Variants in RAB28 observed in about 807,000 individuals in gnomAD.
The protein encoded by RAB28 is ras-related protein Rab-28.
Under a neutral mutation model 31.7 loss-of-function variants are expected in RAB28, and 24 were observed. The observed-to-expected ratio is 0.76, with a 90% CI of 0.55 to 1.06. RAB28 has a LOEUF of 1.06. Among genes scored for constraint, RAB28 ranks in the 50% least tolerant of loss-of-function variants. RAB28 has a pLI of 0.00. For missense variants in RAB28, 254 were observed against 258.5 expected (o/e 0.98, Z 0.12); for synonymous variants, 100 against 90.4 (o/e 1.11, Z -0.60).
chr4:13,404,993 T>C (rs1711992584), intron 4 of RAB28, among the ~76,000 whole-genome samples: 1 of 151,566 alleles, frequency 6.6e-6, no homozygotes, highest in African/African-American at 2.4e-5. Context: ...TAATAATCAC[T>C]CCTAAAGATT....
At position 13,368,075 on chromosome 4, in the gene RAB28, C is replaced by A. The variant is rs890823119; in HGVS notation, c.*483G>T. The A allele has an allele frequency of 1.0e-6, 1 of 977,940 alleles. No homozygotes were observed. Among genetic ancestry groups the A allele is most frequent in the South Asian group, 4.7e-5 (1 of 21,124 alleles). The allele number at this position is 977,940 out of a possible 1,614,324, so 60.6% of individuals were successfully genotyped here. ...AAACAGCTTTATATACTTTTACTCA[C>A]GATAGCGAAAGAATGTCTTCATAAG... On this transcript the variant is annotated 3_prime_UTR_variant, in exon 7 of 7. Transcript: ENST00000330852.
At chr4:13,400,450 T>A (rs1430408443) in intron 4 of RAB28, among the ~76,000 whole-genome samples, 1 of 152,222 alleles carries the variant, frequency 6.6e-6, no homozygotes, top group Non-Finnish European at 1.5e-5. Context: ...AGTCTTTGTA[T>A]CCTTGAAAAT....
intron 4 of RAB28, among the ~76,000 whole-genome samples, chr4:13,397,405 C>T (rs1425511247): frequency 6.6e-6 from 1 of 152,096 alleles, no homozygotes; most frequent in Non-Finnish European, 1.5e-5. Flanking sequence ...GCTAGCAATG[C>T]TCTATTTCAT....
In RAB28 at chr4:13,367,924, G is replaced by T; in HGVS notation, c.*634C>A. 1.0e-6 allele frequency: 1 copy of T among 980,648 alleles called. No individual in the cohort carries two copies. Among genetic ancestry groups the T allele is most frequent in the Non-Finnish European group, 1.2e-6 (1 of 825,824 alleles). The allele number at this position is 980,648 out of a possible 1,614,324, so 60.7% of individuals were successfully genotyped here. On this transcript the variant is annotated 3_prime_UTR_variant, in exon 7 of 7. Transcript: ENST00000330852. ...CACAATACATAACGACAACGATACA[G>T]TAATAAAAATACAATATCAAATATT... is the stretch of plus-strand genomic sequence containing the variant.
intron 4 of RAB28, among the ~76,000 whole-genome samples, chr4:13,458,698 C>G (rs775615651): frequency 6.6e-6 from 1 of 152,118 alleles, no homozygotes; most frequent in Non-Finnish European, 1.5e-5. Flanking sequence ...AGCTTTTATA[C>G]CGTATTTTTA....
intron 4 of RAB28, among the ~76,000 whole-genome samples, chr4:13,416,505 C>G (rs932981169): frequency 1.8e-4 from 27 of 152,146 alleles, no homozygotes; most frequent in African/African-American, 6.5e-4. Context: ...ACAACATAGC[C>G]AAGTTTAAAA....
At chr4:13,384,527 C>T (rs903472519) in intron 4 of RAB28, among the ~76,000 whole-genome samples, 5 of 152,160 alleles carry the variant, frequency 3.3e-5, no homozygotes, top group Non-Finnish European at 5.9e-5. Flanking sequence ...TTCCTAACCT[C>T]GAGGAGTCAG....
intron 2 of RAB28, among the ~76,000 whole-genome samples, chr4:13,476,721 AAAT>A (rs1427488700): frequency 6.6e-6 from 1 of 151,558 alleles, no homozygotes; most frequent in Non-Finnish European, 1.5e-5. Context: ...AAGAATATTC[AAAT>A]AATATTATAA....
chr4:13,369,865 T>G, intron 6 of RAB28: 3 of 1,604,556 alleles, frequency 1.9e-6, no homozygotes, highest in Non-Finnish European at 2.6e-6. Flanking sequence ...ATTTATCACT[T>G]AATACCTGCA....
intron 4 of RAB28, among the ~76,000 whole-genome samples, chr4:13,392,792 G>A (rs770629147): frequency 1.9e-4 from 29 of 152,194 alleles, no homozygotes; most frequent in African/African-American, 2.9e-4. Flanking sequence ...AAATAAATAC[G>A]TTAATTAGCT....
intron 4 of RAB28, among the ~76,000 whole-genome samples, chr4:13,402,543 C>A (rs1187855911): frequency 3.3e-5 from 5 of 152,264 alleles, no homozygotes; most frequent in Admixed American, 3.3e-4. Flanking sequence ...AATATAGTTA[C>A]TTCAACTTTC....
Position 13,375,592 on chromosome 4 carries a change from T to A in RAB28, c.573+953A>T, listed in dbSNP as rs148377249. On this transcript the variant is annotated intron_variant, in intron 6 of 6. Coordinates refer to ENST00000330852, the MANE Select transcript of RAB28 (RefSeq NM_001017979.3). ...CACTTTTTCTGTGTCTGGGAGCTAT[T>A]TAAACATCACAAAGTATCTTAGCAC... is the stretch of plus-strand genomic sequence containing the variant. Among the ~76,000 whole-genome samples, 43 of 152,292 alleles carry A rather than the reference T, an allele frequency of 2.8e-4. No homozygotes were observed. In the East Asian group the frequency reaches 8.3e-3, roughly 29 times the overall value.
intron 4 of RAB28, among the ~76,000 whole-genome samples, chr4:13,408,376 T>C (rs1422024981): frequency 1.3e-5 from 2 of 152,162 alleles, no homozygotes; most frequent in Non-Finnish European, 2.9e-5. Context: ...TTGATCGTGG[T>C]GGGTAAGCTC....
chr4:13,438,570 C>T (rs1714255180), intron 4 of RAB28, among the ~76,000 whole-genome samples: 1 of 152,116 alleles, frequency 6.6e-6, no homozygotes, highest in Non-Finnish European at 1.5e-5. Flanking sequence ...TTATAATAAT[C>T]TTTCCAAGAT....
intron 3 of RAB28, among the ~76,000 whole-genome samples, chr4:13,471,359 A>T (rs928373352): frequency 7.2e-5 from 11 of 152,162 alleles, no homozygotes; most frequent in African/African-American, 2.7e-4. Context: ...AGTAGTAAAT[A>T]ATGAGTCACA....
chr4:13,410,720 G>C (rs185901882), intron 4 of RAB28, among the ~76,000 whole-genome samples: 56 of 152,216 alleles, frequency 3.7e-4, no homozygotes, highest in African/African-American at 1.2e-3. Flanking sequence ...GTGTGTGGTA[G>C]CGTTACAATC....
intron 4 of RAB28, among the ~76,000 whole-genome samples, chr4:13,455,392 G>A (rs947993225): frequency 1.3e-5 from 2 of 152,230 alleles, no homozygotes; most frequent in Admixed American, 6.5e-5. Flanking sequence ...GTGGGCAGTG[G>A]GGACTGGTTC....
At chr4:13,473,999 T>A in intron 3 of RAB28, 1 of 399,216 alleles carries the variant, frequency 2.5e-6, no homozygotes, top group Non-Finnish European at 4.8e-6. Flanking sequence ...TTGAAAGCAG[T>A]CACTATAACA....
intron 4 of RAB28, among the ~76,000 whole-genome samples, chr4:13,416,190 C>T (rs1164736801): frequency 6.6e-6 from 1 of 152,152 alleles, no homozygotes; most frequent in African/African-American, 2.4e-5. Flanking sequence ...CTCAGGTCCC[C>T]TTCCACACTG....
Sources: gnomAD v4.1 joint callset for allele counts (sites outside exome capture counted in the v4.1 genomes callset) on GRCh38, gnomAD v4.1.1 for gene constraint, MANE v1.5 for transcripts, NCBI Gene and HGNC (gene_info 2026-07-23, HGNC 2026-07-21) for gene names.